The following GRM7 variants were observed in gnomAD, a reference collection of about 807,000 sequenced individuals.
The protein encoded by GRM7 is metabotropic glutamate receptor 7.
Under a neutral mutation model 84.5 loss-of-function variants are expected in GRM7, and 35 were observed. The ratio of observed to expected loss-of-function variants is 0.41; its 90% CI spans 0.32 to 0.55. The LOEUF (loss-of-function observed/expected upper bound fraction) is 0.55, where lower values mean the gene tolerates loss of function less well. Among genes scored for constraint, GRM7 ranks in the 20% least tolerant of loss-of-function variants. The pLI is 0.19. For synonymous variants in GRM7, 487 were observed against 455.1 expected, an observed-to-expected ratio of 1.07 and a Z score of -0.89; for missense variants, 1,003 against 1,194.6, an observed-to-expected ratio of 0.84 and a Z score of 2.36.
At position 7,313,209 on chromosome 3, in the gene GRM7, G is replaced by A. The variant is rs190612459; in HGVS notation, c.1033+6557G>A. On this transcript the variant is annotated intron_variant, in intron 4 of 9. Coordinates refer to ENST00000357716, the MANE Select transcript of GRM7 (RefSeq NM_000844.4). ...CCCCCAAAGTGCTGGGATTACAGGC[G>A]TGACCCACTGCGCCCAGCCTCTCCT... Among the ~76,000 whole-genome samples the A allele has an allele frequency of 4.1e-4, 62 of 152,156 alleles. 2 individuals are homozygous for A. Among genetic ancestry groups the A allele is most frequent in the Admixed American group, 3.9e-3 (59 of 15,272 alleles).
chr3:7,130,724 C>T (rs1238345594), intron 1 of GRM7, among the ~76,000 whole-genome samples: 1 of 151,998 alleles, frequency 6.6e-6, no homozygotes, highest in Non-Finnish European at 1.5e-5. Flanking sequence ...AATGCAATTA[C>T]ATGCAAAAAA....
intron 3 of GRM7, among the ~76,000 whole-genome samples, chr3:7,299,863 C>A (rs1313054966): frequency 1.3e-5 from 2 of 151,996 alleles, no homozygotes; most frequent in Non-Finnish European, 2.9e-5. Context: ...ATAAATAATG[C>A]TGTAATTAAC....
intron 1 of GRM7, among the ~76,000 whole-genome samples, chr3:7,071,900 C>T (rs529885328): frequency 1.3e-4 from 20 of 151,988 alleles, no homozygotes; most frequent in African/African-American, 4.3e-4. Context: ...ACAATAATAT[C>T]TAATATTTAC....
intron 8 of GRM7, among the ~76,000 whole-genome samples, chr3:7,583,912 A>G (rs925004732): frequency 3.8e-4 from 58 of 152,166 alleles, no homozygotes; most frequent in Admixed American, 3.3e-3. Flanking sequence ...GTTCTTTTCC[A>G]TTAGGAACTC....
chr3:6,891,906 A>G (rs759962803), intron 1 of GRM7, among the ~76,000 whole-genome samples: 2 of 152,092 alleles, frequency 1.3e-5, no homozygotes, highest in Non-Finnish European at 2.9e-5. Context: ...ACATAGTCCC[A>G]TATTTCTTGG....
intron 8 of GRM7, among the ~76,000 whole-genome samples, chr3:7,585,059 A>G (rs984309109): frequency 6.6e-6 from 1 of 152,192 alleles, no homozygotes; most frequent in East Asian, 1.9e-4. Flanking sequence ...CTCTTCTAGC[A>G]TGCTTAGTAA....
chr3:7,085,537 A>G (rs1049348125), intron 1 of GRM7, among the ~76,000 whole-genome samples: 4 of 152,160 alleles, frequency 2.6e-5, no homozygotes, highest in Non-Finnish European at 5.9e-5. Context: ...TAGAGCTTCC[A>G]TATTGGCAAA....
chr3:7,307,151 C>T (rs571861102), intron 4 of GRM7, among the ~76,000 whole-genome samples: 2 of 152,242 alleles, frequency 1.3e-5, no homozygotes, highest in East Asian at 3.9e-4. Flanking sequence ...TTCCTAGGTC[C>T]CTTTTGTTTT....
At chr3:7,002,355 C>G (rs1188908084) in intron 1 of GRM7, among the ~76,000 whole-genome samples, 1 of 152,180 alleles carries the variant, frequency 6.6e-6, no homozygotes, top group Non-Finnish European at 1.5e-5. Flanking sequence ...TCTACTAGAA[C>G]TATGAGCCTA....
intron 1 of GRM7, among the ~76,000 whole-genome samples, chr3:6,987,193 C>G (rs929261240): frequency 1.3e-5 from 2 of 152,040 alleles, no homozygotes; most frequent in Non-Finnish European, 2.9e-5. Context: ...TTCTTGTGCA[C>G]TTACTATGGC....
At chr3:7,619,242 A>G (rs771671333) in intron 8 of GRM7, among the ~76,000 whole-genome samples, 19 of 152,190 alleles carry the variant, frequency 1.2e-4, no homozygotes, top group Non-Finnish European at 2.4e-4. Flanking sequence ...TCCTGCCAAC[A>G]ATTTAGGTTA....
At chr3:7,067,149 T>A (rs1240227771) in intron 1 of GRM7, among the ~76,000 whole-genome samples, 1 of 151,918 alleles carries the variant, frequency 6.6e-6, no homozygotes, top group Non-Finnish European at 1.5e-5. Flanking sequence ...CTCTTCAACA[T>A]AGTACTGGAA....
At chr3:7,435,705 T>TTTTTTTA (rs1697020826) in intron 5 of GRM7, among the ~76,000 whole-genome samples, 1 of 109,610 alleles carries the variant, frequency 9.1e-6, no homozygotes, top group African/African-American at 4.2e-5. Context: ...TTTTTTTTTT[T>TTTTTTTA]GAGACAGAGT....
At chr3:7,220,607 TA>T (rs554497267) in intron 2 of GRM7, among the ~76,000 whole-genome samples, 1 of 151,730 alleles carries the variant, frequency 6.6e-6, no homozygotes, top group South Asian at 2.1e-4. Flanking sequence ...GGGCATTAGG[TA>T]AAAAAAAGAA....
At chr3:7,099,877 C>CCCATTATACAT (rs1699045845) in intron 1 of GRM7, among the ~76,000 whole-genome samples, 1 of 141,356 alleles carries the variant, frequency 7.1e-6, no homozygotes, top group Non-Finnish European at 1.5e-5. Context: ...TATATGTACA[C>CCCATTATACAT]GCATTATACA....
At chr3:7,406,424 C>CG (rs1695681077) in intron 4 of GRM7, among the ~76,000 whole-genome samples, 1 of 151,280 alleles carries the variant, frequency 6.6e-6, no homozygotes. Flanking sequence ...GGCGTGAACC[C>CG]GGGGGACGGA....
At chr3:6,939,706 A>C (rs1469223882) in intron 1 of GRM7, among the ~76,000 whole-genome samples, 1 of 152,160 alleles carries the variant, frequency 6.6e-6, no homozygotes, top group Admixed American at 6.5e-5. Flanking sequence ...CTCAAATCCC[A>C]TCATTATCCT....
At chr3:7,570,577 G>T (rs947718040) in intron 7 of GRM7, among the ~76,000 whole-genome samples, 8 of 152,172 alleles carry the variant, frequency 5.3e-5, no homozygotes, top group African/African-American at 1.9e-4. Flanking sequence ...GCCTTAGGCA[G>T]CTCCACCCCT....
chr3:7,455,821 C>T (rs75623954), intron 6 of GRM7, among the ~76,000 whole-genome samples: 6,346 of 152,202 alleles, frequency 0.042, 173 homozygotes, highest in South Asian at 0.068. Flanking sequence ...AGTAGCATTC[C>T]ATCAGTGTTA....
Sources: gnomAD v4.1 joint callset for allele counts (sites outside exome capture counted in the v4.1 genomes callset) on GRCh38, gnomAD v4.1.1 for gene constraint, MANE v1.5 for transcripts, NCBI Gene and HGNC (gene_info 2026-07-23, HGNC 2026-07-21) for gene names.